Variants in SPATA9 observed in about 807,000 individuals in gnomAD.
SPATA9 encodes the protein spermatogenesis associated 9.
SPATA9 carries 27 observed loss-of-function variants against 25.5 expected under a neutral mutation model. That is an observed-to-expected ratio of 1.06 (90% CI 0.78 to 1.46). SPATA9 has a LOEUF of 1.46. Ranked by LOEUF, SPATA9 falls within the 40% of genes most tolerant of loss-of-function variation. The probability of loss-of-function intolerance (pLI) is 0.00; values close to 1 mark genes in which losing one functional copy is unlikely to be tolerated. For synonymous variants in SPATA9, 102 were observed against 105.7 expected, an observed-to-expected ratio of 0.97 and a Z score of 0.21; for missense variants, 282 against 297.5, an observed-to-expected ratio of 0.95 and a Z score of 0.38.
chr5:95,686,276 T>C (rs570600440), upstream of SPATA9, among the ~76,000 whole-genome samples: 28 of 152,344 alleles, frequency 1.8e-4, no homozygotes, highest in African/African-American at 6.7e-4. Flanking sequence ...AAGTTTCTGT[T>C]CATTACGTTT....
At chr5:95,675,756 T>C in intron 2 of SPATA9, 117 bp from the exon 3 acceptor site, 1 of 732,104 alleles carries the variant, frequency 1.4e-6, no homozygotes, top group Non-Finnish European at 2.2e-6. Flanking sequence ...CATGCATATA[T>C]TCAACATCCA....
intron 1 of SPATA9, among the ~76,000 whole-genome samples, chr5:95,692,860 A>G (rs1753924738): frequency 6.6e-6 from 1 of 152,152 alleles, no homozygotes; most frequent in Non-Finnish European, 1.5e-5. Context: ...ACTACATACC[A>G]ATTTTTTTCA....
chr5:95,652,863 G>T, downstream of SPATA9: 1 of 431,030 alleles, frequency 2.3e-6, no homozygotes, highest in Non-Finnish European at 4.0e-6. Flanking sequence ...TGATTTCTGG[G>T]CATCCATTGT....
At chr5:95,660,704 A>T (rs1167461578) in intron 4 of SPATA9, among the ~76,000 whole-genome samples, 1 of 152,164 alleles carries the variant, frequency 6.6e-6, no homozygotes, top group Non-Finnish European at 1.5e-5. Context: ...CCAACAAAAA[A>T]TTATATTTGT....
rs1042330434 is a variant in SPATA9, at chr5:95,658,538, A to T, written c.*85T>A. The T allele has an allele frequency of 2.7e-6, 4 of 1,480,712 alleles. No homozygotes were observed. The Admixed American group carries it at 1.0e-4, about 37-fold the overall frequency. The allele number at this position is 1,480,712 out of a possible 1,614,324, so 91.7% of individuals were successfully genotyped here. ...TTTTAAGAAAGCAGAGCAATTCAGAATATGTAAACTAGACTCTGAGTTTTG... is the reference window on the plus strand; with the variant it reads ...TTTTAAGAAAGCAGAGCAATTCAGATTATGTAAACTAGACTCTGAGTTTTG... On this transcript the variant is annotated 3_prime_UTR_variant, in exon 5 of 5. Transcript: ENST00000274432.
chr5:95,705,771 A>G, the SPATA9 span, among the ~76,000 whole-genome samples: 1 of 152,216 alleles, frequency 6.6e-6, no homozygotes, highest in Non-Finnish European at 1.5e-5. Flanking sequence ...TACAGCTAAT[A>G]ACTGTCAAGA....
chr5:95,726,582 C>G, the SPATA9 span, among the ~76,000 whole-genome samples: 1 of 152,022 alleles, frequency 6.6e-6, no homozygotes, highest in African/African-American at 2.4e-5. Context: ...CTTTATAATC[C>G]ATTATTTTGG....
At chr5:95,700,068 T>C (rs865967887), upstream of SPATA9, among the ~76,000 whole-genome samples, 3 of 152,202 alleles carry the variant, frequency 2.0e-5, no homozygotes, top group African/African-American at 4.8e-5. Flanking sequence ...AAAAAACTTA[T>C]GAAAATATTA....
At chr5:95,665,723 C>A (rs902667157) in intron 3 of SPATA9, among the ~76,000 whole-genome samples, 1 of 152,180 alleles carries the variant, frequency 6.6e-6, no homozygotes, top group Non-Finnish European at 1.5e-5. Context: ...ACCTGTAATC[C>A]CAGCCCTTTG....
At chr5:95,683,235 A>G (rs460697), upstream of SPATA9, among the ~76,000 whole-genome samples, 79,545 of 151,646 alleles carry the variant, frequency 0.52, 20,962 homozygotes, top group South Asian at 0.56. Flanking sequence ...AAAAAATGGC[A>G]TGTGCTTTAA....
the SPATA9 span, among the ~76,000 whole-genome samples, chr5:95,728,529 ACTTTGTACCTATCTCTTTTACTGACTGC>A: frequency 7.2e-5 from 11 of 152,172 alleles, no homozygotes; most frequent in African/African-American, 1.9e-4. Context: ...CTTATCTTTT[ACTTTGTACCTATCTCTTTTACTGACTGC>A]CTTTGTACCT....
intron 2 of SPATA9, 106 bp downstream of exon 2, chr5:95,682,422 A>T: frequency 1.2e-6 from 1 of 816,900 alleles, no homozygotes; most frequent in Non-Finnish European, 1.9e-6. Context: ...AGTGTTTTCT[A>T]AAGTTTTGAT....
At chr5:95,705,221 C>A in the SPATA9 span, among the ~76,000 whole-genome samples, 3 of 152,074 alleles carry the variant, frequency 2.0e-5, no homozygotes, top group Non-Finnish European at 4.4e-5. Flanking sequence ...CCCACCTCAG[C>A]CTCCTAAAGT....
At chr5:95,703,201 C>T (rs1754217986), upstream of SPATA9, among the ~76,000 whole-genome samples, 1 of 152,148 alleles carries the variant, frequency 6.6e-6, no homozygotes, top group Admixed American at 6.5e-5. Flanking sequence ...GGGAAAATGG[C>T]AAAGAACTTA....
At chr5:95,653,301 T>C in intron 8 of SPATA9, 1 of 1,522,036 alleles carries the variant, frequency 6.6e-7, no homozygotes, top group South Asian at 1.3e-5. Context: ...AACTGTGTAC[T>C]CCAGGCAAAA....
At chr5:95,674,620 G>T in intron 3 of SPATA9, 1 of 291,728 alleles carries the variant, frequency 3.4e-6, no homozygotes, top group South Asian at 3.0e-5. Flanking sequence ...ATGGAGTCAA[G>T]ACAGAAAGCA....
At chr5:95,673,959 C>CA (rs1752665451) in intron 3 of SPATA9, among the ~76,000 whole-genome samples, 2 of 152,106 alleles carry the variant, frequency 1.3e-5, no homozygotes, top group South Asian at 2.1e-4. Flanking sequence ...AGGCTGGTCT[C>CA]AAACTCCTGA....
At chr5:95,727,375 A>G in the SPATA9 span, among the ~76,000 whole-genome samples, 9 of 152,200 alleles carry the variant, frequency 5.9e-5, no homozygotes, top group Non-Finnish European at 1.2e-4. Flanking sequence ...TTAAGGAACC[A>G]ACACGTTTTT....
At chr5:95,671,898 AACTT>A (rs1280073298) in intron 3 of SPATA9, among the ~76,000 whole-genome samples, 1 of 140,590 alleles carries the variant, frequency 7.1e-6, no homozygotes, top group Non-Finnish European at 1.5e-5. Flanking sequence ...TGTACCCTAA[AACTT>A]AAAGTATAAT....
Sources: gnomAD v4.1 joint callset for allele counts (sites outside exome capture counted in the v4.1 genomes callset) on GRCh38, gnomAD v4.1.1 for gene constraint, MANE v1.5 for transcripts, NCBI Gene and HGNC (gene_info 2026-07-23, HGNC 2026-07-21) for gene names.